Variants in ZCWPW1 observed in about 807,000 individuals in gnomAD.
ZCWPW1 encodes zinc finger CW-type PWWP domain protein 1.
ZCWPW1 carries 56 observed loss-of-function variants against 81.3 expected under a neutral mutation model. That is an observed-to-expected ratio of 0.69 (90% CI 0.56 to 0.86). The LOEUF is 0.86. ZCWPW1 is among the 40% of genes least tolerant of loss of function. The probability of loss-of-function intolerance (pLI) is 0.00; values close to 1 mark genes in which losing one functional copy is unlikely to be tolerated. For synonymous variants in ZCWPW1, 250 were observed against 273.7 expected (o/e 0.91, Z 0.86); for missense variants, 650 against 769.8 (o/e 0.84, Z 1.84).
intron 1 of ZCWPW1, among the ~76,000 whole-genome samples, chr7:100,426,953 TC>T (rs1169438135): frequency 1.6e-4 from 1 of 6,284 alleles, no homozygotes; most frequent in African/African-American, 8.3e-4. Context: ...TCCCCTTTCC[TC>T]CCCCTCCTCC....
In ZCWPW1 at chr7:100,419,112, C is replaced by T. The variant is rs1182120172; in HGVS notation, c.360G>A (p.Leu120=). The T allele has an allele frequency of 6.2e-7, 1 of 1,613,188 alleles. No homozygotes were observed. The highest frequency in any genetic ancestry group is 1.3e-5 in the African/African-American group (1 of 74,976). Reference sequence around the variant, plus strand: ...TTTTTCTCTTACTACATGCCATACCCAAGCACTCCTGAAGGGACTTCTGCA... The same window carrying T: ...TTTTTCTCTTACTACATGCCATACCTAAGCACTCCTGAAGGGACTTCTGCA... The part of the protein sequence containing the change: ...IVLQKSLQEC[L]GMGSGLDFAE... Residue 120 remains leucine (L), a splice_region_variant and synonymous_variant, in exon 5 of 18, where the codon TTG becomes TTA. Coordinates refer to ENST00000684423, the MANE Select transcript of ZCWPW1 (RefSeq NM_001386010.1).
chr7:100,404,068 C>T (rs1047262859), intron 14 of ZCWPW1, 110 bp downstream of exon 14: 1 of 1,198,762 alleles, frequency 8.3e-7, no homozygotes, highest in African/African-American at 1.6e-5. Context: ...TTAAAGAATC[C>T]AGAATTAGCC....
intron 17 of ZCWPW1, 110 bp downstream of exon 17, chr7:100,401,779 C>T: frequency 3.6e-6 from 5 of 1,375,966 alleles, no homozygotes; most frequent in Non-Finnish European, 4.9e-6. Flanking sequence ...AATTTTCATT[C>T]ATTCTGTAAA....
intron 2 of ZCWPW1, among the ~76,000 whole-genome samples, chr7:100,424,325 G>A (rs1007221999): frequency 3.9e-5 from 6 of 152,024 alleles, no homozygotes; most frequent in Admixed American, 6.6e-5. Flanking sequence ...TTCTCTGGAA[G>A]AGAAAAAAAA....
intron 5 of ZCWPW1, 89 bp downstream of exon 5, chr7:100,419,022 G>T: frequency 9.7e-7 from 1 of 1,026,390 alleles, no homozygotes; most frequent in Non-Finnish European, 1.5e-6. Flanking sequence ...AGATGGGAGA[G>T]AAAGAGAGAA....
rs1157761837 is a variant in ZCWPW1 at position 100,420,613 on chromosome 7, T to G, written c.28+9A>C. ...TGTATGAAGCGAACCTCCCTCACTC[T>G]TGACTCACCTTCTTTATTCTGCAAC... On this transcript the variant is annotated intron_variant, in intron 3 of 17. Transcript: ENST00000684423. 1 of 1,614,148 alleles carries G rather than the reference T, an allele frequency of 6.2e-7. No homozygotes were observed. The highest frequency in any genetic ancestry group is 1.7e-5 in the Admixed American group (1 of 60,018).
chr7:100,401,755 C>T lies in ZCWPW1; in HGVS notation c.1627+134G>A, dbSNP rs531255743. 4.8e-4 allele frequency: 582 copies of T among 1,219,784 alleles called. 2 individuals are homozygous for T. Among genetic ancestry groups the T allele is most frequent in the South Asian group, 2.8e-3 (179 of 64,222 alleles). The allele number at this position is 1,219,784 out of a possible 1,614,324, so 75.6% of individuals were successfully genotyped here. ...AGTGTGTGCTGGGTGCAGTCCGAGA[C>T]GCTCTTTCATTCTAATTTTCATTCA... On this transcript the variant is annotated intron_variant, in intron 17 of 17. Transcript: ENST00000684423.
intron 1 of ZCWPW1, among the ~76,000 whole-genome samples, 175 bp from the exon 2 acceptor site, chr7:100,425,311 G>A (rs964699185): frequency 3.3e-5 from 5 of 152,020 alleles, no homozygotes; most frequent in African/African-American, 1.2e-4. Flanking sequence ...GTGGGGTTGC[G>A]GGGAAGGCTT....
intron 4 of ZCWPW1, among the ~76,000 whole-genome samples, 176 bp from the exon 5 acceptor site, chr7:100,419,365 C>T (rs1460659768): frequency 1.2e-4 from 19 of 152,062 alleles, no homozygotes; most frequent in Non-Finnish European, 2.1e-4. Flanking sequence ...ATAAAGGAGT[C>T]AAAGGAAAGA....
chr7:100,420,827 G>C lies in ZCWPW1; in HGVS notation c.-29-149C>G, dbSNP rs1053687161. 3.2e-5 allele frequency: 22 copies of C among 686,990 alleles called. No homozygotes were observed. The African/African-American group carries it at 3.6e-4, about 11-fold the overall frequency. 42.6% of individuals were successfully genotyped at this position (686,990 alleles called of 1,614,324 possible). A position where few individuals can be genotyped will look rare whatever the true frequency, so the allele number is the denominator to read the frequency against. ...CCTCTGTGGTGCCAATTACACACCA[G>C]GGAATAATGAGTTACTGTTTTAAAG... is the stretch of plus-strand genomic sequence containing the variant. On this transcript the variant is annotated intron_variant, in intron 2 of 17. Coordinates refer to ENST00000684423, the MANE Select transcript of ZCWPW1 (RefSeq NM_001386010.1).
chr7:100,407,322 T>TG lies in ZCWPW1; in HGVS notation c.993-20dup. On this transcript the variant is annotated intron_variant, in intron 10 of 17. Transcript: ENST00000684423. ...TGGCCACCTGGAGAAGATAGTTGGG[T>TG]GTAGGGGACAGAAGAGAAGGGGTTA... The TG allele has an allele frequency of 6.2e-7, 1 of 1,608,624 alleles. No homozygotes were observed. The highest frequency in any genetic ancestry group is 8.5e-7 in the Non-Finnish European group (1 of 1,176,012).
rs966366186 is a variant in ZCWPW1 at position 100,409,276 on chromosome 7, CAT to C, written c.871+150_871+151del. On this transcript the variant is annotated intron_variant, in intron 9 of 17. Transcript: ENST00000684423. ...AGCCTTTTCTGCCCAGATTCATCTCCATATGAGAGGCAGATCCTTCCTCTCTC... is the reference window on the plus strand; with the variant it reads ...AGCCTTTTCTGCCCAGATTCATCTCCATGAGAGGCAGATCCTTCCTCTCTC... 2.9e-5 allele frequency: 18 copies of C among 619,870 alleles called. No homozygotes were observed. The African/African-American group carries it at 3.0e-4, about 10-fold the overall frequency. 38.4% of individuals were successfully genotyped at this position (619,870 alleles called of 1,614,324 possible). A position where few individuals can be genotyped will look rare whatever the true frequency, so the allele number is the denominator to read the frequency against.
chr7:100,427,333 C>T (rs1013809193), intron 1 of ZCWPW1, among the ~76,000 whole-genome samples: 21 of 149,544 alleles, frequency 1.4e-4, no homozygotes, highest in South Asian at 8.5e-4. Flanking sequence ...AAAGAAGAGG[C>T]GGGTGGATCA....
intron 13 of ZCWPW1, among the ~76,000 whole-genome samples, chr7:100,404,704 TCTGA>T (rs1163329014): frequency 6.6e-6 from 1 of 152,206 alleles, no homozygotes; most frequent in Non-Finnish European, 1.5e-5. Flanking sequence ...ATTAGGCTTA[TCTGA>T]CTTTTTATGG....
At chr7:100,412,827 C>T (rs960421753) in intron 8 of ZCWPW1, among the ~76,000 whole-genome samples, 6 of 152,142 alleles carry the variant, frequency 3.9e-5, no homozygotes, top group African/African-American at 7.2e-5. Flanking sequence ...GTGATCCACC[C>T]GCCTCGGCCT....
intron 8 of ZCWPW1, among the ~76,000 whole-genome samples, chr7:100,413,666 A>C (rs1794646396): frequency 6.6e-6 from 1 of 152,212 alleles, no homozygotes; most frequent in Non-Finnish European, 1.5e-5. Flanking sequence ...TTCAACTCAC[A>C]ATCACCTAGA....
intron 9 of ZCWPW1, among the ~76,000 whole-genome samples, chr7:100,409,144 A>G (rs532189687): frequency 1.3e-5 from 2 of 151,920 alleles, no homozygotes; most frequent in East Asian, 3.9e-4. Flanking sequence ...CTATCCACCA[A>G]CCCAATACCA....
At chr7:100,405,432 G>GA (rs150780493) in intron 12 of ZCWPW1, among the ~76,000 whole-genome samples, 3 of 144,332 alleles carry the variant, frequency 2.1e-5, no homozygotes, top group South Asian at 2.2e-4. Context: ...ATCTCAAAAA[G>GA]AAAAAAAAAA....
chr7:100,405,803 T>C (rs1202727112), intron 12 of ZCWPW1, among the ~76,000 whole-genome samples: 1 of 152,114 alleles, frequency 6.6e-6, no homozygotes, highest in Non-Finnish European at 1.5e-5. Context: ...ATTTTTTGTA[T>C]TTTAGTAGAG....
Sources: gnomAD v4.1 joint callset for allele counts (sites outside exome capture counted in the v4.1 genomes callset) on GRCh38, gnomAD v4.1.1 for gene constraint, MANE v1.5 for transcripts, NCBI Gene and HGNC (gene_info 2026-07-23, HGNC 2026-07-21) for gene names.